FAF1: variants seen among roughly 807,000 people sequenced by gnomAD.
The protein encoded by FAF1 is Fas associated factor 1, also known as FAS-associated factor 1.
In FAF1, 25 loss-of-function variants were observed where a neutral mutation model predicts 92.5. That is an observed-to-expected ratio of 0.27 (90% confidence interval 0.20 to 0.38). FAF1 has a LOEUF of 0.38. Among genes scored for constraint, FAF1 ranks in the 10% least tolerant of loss-of-function variants. FAF1 has a pLI of 1.00. For synonymous variants in FAF1, 234 were observed against 273.2 expected, an observed-to-expected ratio of 0.86 and a Z score of 1.42; for missense variants, 636 against 793.3, an observed-to-expected ratio of 0.80 and a Z score of 2.38.
At chr1:50,932,999 G>A (rs1431913092) in intron 1 of FAF1, among the ~76,000 whole-genome samples, 3 of 152,144 alleles carry the variant, frequency 2.0e-5, no homozygotes, top group Non-Finnish European at 4.4e-5. Context: ...TGGAGCGGCT[G>A]GGACACAGGG....
intron 12 of FAF1, among the ~76,000 whole-genome samples, chr1:50,576,646 C>T (rs890468468): frequency 3.4e-5 from 5 of 148,808 alleles, no homozygotes; most frequent in Non-Finnish European, 6.0e-5. Context: ...CCCCCCCCGC[C>T]ACCACCCCTG....
intron 1 of FAF1, among the ~76,000 whole-genome samples, chr1:50,859,917 A>G (rs1644419023): frequency 6.6e-6 from 1 of 152,010 alleles, no homozygotes; most frequent in Admixed American, 6.6e-5. Flanking sequence ...CTCATGGAAC[A>G]GAATAGAGAA....
intron 15 of FAF1, among the ~76,000 whole-genome samples, chr1:50,506,617 CTG>C (rs1460821442): frequency 1.8e-4 from 28 of 152,194 alleles, no homozygotes; most frequent in Non-Finnish European, 2.9e-4. Flanking sequence ...TCTCACTAGA[CTG>C]TGAGTACTTA....
At position 50,745,867 on chromosome 1, in the gene FAF1, T is replaced by C. The variant is rs897133650; in HGVS notation, c.368-1092A>G. Among the ~76,000 whole-genome samples, 16 of 152,144 alleles carry C rather than the reference T, an allele frequency of 1.1e-4. No individual in the cohort carries two copies. In the East Asian group the frequency reaches 2.3e-3, roughly 22 times the overall value. ...TGGAAGCGTCTCTGAAACTGGGTAA[T>C]GGGCAGAGGCTGGAAGAGTGCAGAG... On this transcript the variant is annotated intron_variant, in intron 4 of 18. Transcript: ENST00000396153.
chr1:50,597,009 TAAGC>T (rs1651854543), intron 8 of FAF1, among the ~76,000 whole-genome samples: 1 of 152,026 alleles, frequency 6.6e-6, no homozygotes. Flanking sequence ...AAACAAAAAA[TAAGC>T]AAATGAAAAA....
intron 1 of FAF1, among the ~76,000 whole-genome samples, chr1:50,891,187 T>C (rs1570107463): frequency 1.3e-5 from 2 of 152,376 alleles, no homozygotes; most frequent in African/African-American, 2.4e-5. Context: ...CATGTAGTTC[T>C]TGTGCCACGG....
chr1:50,802,326 G>A (rs1241004361), intron 2 of FAF1, among the ~76,000 whole-genome samples: 2 of 152,104 alleles, frequency 1.3e-5, no homozygotes, highest in Middle Eastern at 3.2e-3. Flanking sequence ...CCAACCTCAG[G>A]TGATCCACCC....
At chr1:50,593,962 A>T (rs984635919) in intron 9 of FAF1, among the ~76,000 whole-genome samples, 23 of 152,188 alleles carry the variant, frequency 1.5e-4, no homozygotes, top group African/African-American at 4.3e-4. Context: ...ATGGAAAAAA[A>T]TTTTTATCTT....
intron 12 of FAF1, among the ~76,000 whole-genome samples, chr1:50,572,023 T>C (rs1650469334): frequency 6.6e-6 from 1 of 152,206 alleles, no homozygotes; most frequent in African/African-American, 2.4e-5. Flanking sequence ...TATAAAATAA[T>C]TTCCTTGTGT....
intron 1 of FAF1, among the ~76,000 whole-genome samples, chr1:50,937,853 G>A (rs1038644242): frequency 2.0e-5 from 3 of 152,052 alleles, no homozygotes; most frequent in Non-Finnish European, 2.9e-5. Flanking sequence ...GCAGATAATC[G>A]AAAAATCTTT....
At chr1:50,897,281 T>C (rs976891204) in intron 1 of FAF1, among the ~76,000 whole-genome samples, 3 of 152,210 alleles carry the variant, frequency 2.0e-5, no homozygotes, top group African/African-American at 7.2e-5. Flanking sequence ...AGTGTCAAAC[T>C]TTCACCATTT....
rs761705123 is a variant in FAF1 at position 50,475,706 on chromosome 1, A to C, written c.1654-27T>G. 1.2e-5 allele frequency: 18 copies of C among 1,527,290 alleles called. No homozygotes were observed. In the South Asian group the frequency reaches 2.1e-4, roughly 17 times the overall value. 94.6% of individuals were successfully genotyped at this position (1,527,290 alleles called of 1,614,324 possible). On this transcript the variant is annotated intron_variant, in intron 17 of 18. Coordinates refer to ENST00000396153, the MANE Select transcript of FAF1 (RefSeq NM_007051.3). ...TAGGGAGAGCAAAAACCAGGTGTTA[A>C]AATGTGAGAAGGACTGGACTATGGA... is the stretch of plus-strand genomic sequence containing the variant.
intron 6 of FAF1, among the ~76,000 whole-genome samples, chr1:50,709,463 C>G (rs1187727184): frequency 1.3e-5 from 2 of 152,192 alleles, no homozygotes; most frequent in East Asian, 3.9e-4. Context: ...AGAAATACTT[C>G]TGCATATTCT....
Position 50,827,765 on chromosome 1 carries a change from G to A in FAF1, c.115-26088C>T, listed in dbSNP as rs556724910. ...AAATATCTGAATAAAAATATCTAAC[G>A]AATATCTTAAAAATACCTAAACCAA... On this transcript the variant is annotated intron_variant, in intron 2 of 18. Transcript: ENST00000396153. Among the ~76,000 whole-genome samples the A allele has an allele frequency of 7.0e-4, 106 of 151,754 alleles. 1 individual carries two copies. In the South Asian group the frequency reaches 0.02, roughly 29 times the overall value.
At chr1:50,745,616 G>A (rs1659557948) in intron 4 of FAF1, among the ~76,000 whole-genome samples, 1 of 152,072 alleles carries the variant, frequency 6.6e-6, no homozygotes, top group Admixed American at 6.6e-5. Context: ...ATCCTGCTCT[G>A]GCCTGCTCCC....
chr1:50,766,632 G>A (rs774235790), intron 4 of FAF1, among the ~76,000 whole-genome samples: 1 of 151,988 alleles, frequency 6.6e-6, no homozygotes, highest in Non-Finnish European at 1.5e-5. Flanking sequence ...GTAGGAAGCT[G>A]GGGATCCAGC....
intron 4 of FAF1, among the ~76,000 whole-genome samples, chr1:50,763,392 G>T (rs551491477): frequency 6.6e-6 from 1 of 151,968 alleles, no homozygotes; most frequent in Non-Finnish European, 1.5e-5. Flanking sequence ...GCCTTGATGC[G>T]GTTTCCTCTG....
chr1:50,581,668 G>A (rs1650991039), intron 12 of FAF1, among the ~76,000 whole-genome samples: 2 of 152,178 alleles, frequency 1.3e-5, no homozygotes, highest in African/African-American at 4.8e-5. Flanking sequence ...AAAGGGGTAG[G>A]TGCTGCCAAT....
At chr1:50,619,449 C>G (rs908296619) in intron 8 of FAF1, among the ~76,000 whole-genome samples, 6 of 152,166 alleles carry the variant, frequency 3.9e-5, no homozygotes, top group Non-Finnish European at 7.3e-5. Context: ...ATTCCCTCAG[C>G]ATTTGCTTGT....
Sources: gnomAD v4.1 joint callset for allele counts (sites outside exome capture counted in the v4.1 genomes callset) on GRCh38, gnomAD v4.1.1 for gene constraint, MANE v1.5 for transcripts, NCBI Gene and HGNC (gene_info 2026-07-23, HGNC 2026-07-21) for gene names.